Variants in ADAMTS3 observed in about 807,000 individuals in gnomAD.
ADAMTS3 encodes ADAM metallopeptidase with thrombospondin type 1 motif 3.
A neutral mutation model predicts 129.0 loss-of-function variants in ADAMTS3; 73 were observed. The observed-to-expected ratio is 0.57, with a 90% CI of 0.47 to 0.69. The LOEUF is 0.69. ADAMTS3 is among the 30% of genes least tolerant of loss of function. The pLI is 0.00. For missense variants in ADAMTS3, 1,457 were observed against 1,514.5 expected (o/e 0.96, Z 0.63); for synonymous variants, 477 against 510.8 (o/e 0.93, Z 0.89).
chr4:72,549,991 A>AG (rs1721580701), intron 2 of ADAMTS3, among the ~76,000 whole-genome samples: 1 of 24,284 alleles, frequency 4.1e-5, no homozygotes, highest in African/African-American at 1.2e-4. Context: ...AAGAAGAAGA[A>AG]GAGGAAGAGG....
intron 19 of ADAMTS3, among the ~76,000 whole-genome samples, 189 bp from the exon 20 acceptor site, chr4:72,291,251 T>G (rs16847801): frequency 0.6 from 90,719 of 151,976 alleles, 30,611 homozygotes; most frequent in Non-Finnish European, 0.77. Flanking sequence ...GCTGAAACTT[T>G]TATTTTATTA....
intron 21 of ADAMTS3, among the ~76,000 whole-genome samples, chr4:72,284,056 G>A (rs1168565425): frequency 2.0e-5 from 3 of 152,040 alleles, no homozygotes; most frequent in Admixed American, 2.0e-4. Flanking sequence ...ATGCAAAGGG[G>A]CATCTGTATT....
chr4:72,319,005 G>T (rs1719479812), intron 9 of ADAMTS3, among the ~76,000 whole-genome samples: 1 of 152,140 alleles, frequency 6.6e-6, no homozygotes, highest in South Asian at 2.1e-4. Context: ...CACCTATACT[G>T]TAGAGCACAG....
intron 3 of ADAMTS3, among the ~76,000 whole-genome samples, chr4:72,477,103 T>G (rs1719257233): frequency 6.6e-6 from 1 of 152,092 alleles, no homozygotes; most frequent in Non-Finnish European, 1.5e-5. Context: ...CTCAAGACTT[T>G]CACCCTGAAA....
chr4:72,520,974 G>A (rs1051550727), intron 3 of ADAMTS3, among the ~76,000 whole-genome samples: 21 of 151,676 alleles, frequency 1.4e-4, no homozygotes, highest in Non-Finnish European at 2.8e-4. Flanking sequence ...GTTCCTATTC[G>A]GCCATCTGGG....
intron 3 of ADAMTS3, among the ~76,000 whole-genome samples, chr4:72,520,741 T>C (rs947237262): frequency 6.6e-6 from 1 of 152,156 alleles, no homozygotes; most frequent in Non-Finnish European, 1.5e-5. Flanking sequence ...AGGTGCTATC[T>C]GTCACCCCTT....
At chr4:72,456,257 A>G (rs1354059609) in intron 3 of ADAMTS3, among the ~76,000 whole-genome samples, 4 of 143,350 alleles carry the variant, frequency 2.8e-5, no homozygotes, top group African/African-American at 8.0e-5. Context: ...TATAGTATAT[A>G]TACTGTATAT....
Position 72,567,397 on chromosome 4 carries a change from C to A in ADAMTS3, c.74G>T (p.Gly25Val), listed in dbSNP as rs143125991. 4.9e-5 allele frequency: 78 copies of A among 1,579,762 alleles called. No homozygotes were observed. In the African/African-American group the frequency reaches 7.9e-4, roughly 16 times the overall value. The change falls in exon 2 of 22, where the codon GGT becomes GTT. Residue 25 changes from glycine (G) to valine (V), a missense_variant. By Grantham distance (109) the Gly-to-Val change is moderately radical. Transcript: ENST00000286657. ...EVRTSADGQAGNEEMVQIDLP... is the reference protein window; with the variant it reads ...EVRTSADGQAVNEEMVQIDLP... ...ACCTATTTGCACCATTTCTTCATTACCAGCCTGGAAAGGAGGGGGAAAGCA... is the reference window on the plus strand; with the variant it reads ...ACCTATTTGCACCATTTCTTCATTAACAGCCTGGAAAGGAGGGGGAAAGCA...
At chr4:72,481,946 A>G (rs551328385) in intron 3 of ADAMTS3, among the ~76,000 whole-genome samples, 1 of 152,278 alleles carries the variant, frequency 6.6e-6, no homozygotes, top group African/African-American at 2.4e-5. Context: ...CCAAATTAAA[A>G]GAACAGTGAG....
chr4:72,386,111 T>A (rs554810477), intron 4 of ADAMTS3, among the ~76,000 whole-genome samples: 5 of 152,238 alleles, frequency 3.3e-5, no homozygotes, highest in African/African-American at 9.6e-5. Context: ...CCAATAAGTT[T>A]TCATACTGAA....
chr4:72,504,003 T>C (rs190743275), intron 3 of ADAMTS3, among the ~76,000 whole-genome samples: 1 of 152,318 alleles, frequency 6.6e-6, no homozygotes, highest in Admixed American at 6.5e-5. Context: ...ATGTGTGAGA[T>C]AGGTCTCTTG....
chr4:72,322,665 T>G (rs1373377333), intron 6 of ADAMTS3, among the ~76,000 whole-genome samples: 3 of 152,170 alleles, frequency 2.0e-5, no homozygotes, highest in Non-Finnish European at 4.4e-5. Flanking sequence ...TCCCTTCTAA[T>G]GAATAAATGA....
intron 2 of ADAMTS3, among the ~76,000 whole-genome samples, chr4:72,566,023 G>C (rs189137906): frequency 1.5e-3 from 221 of 151,846 alleles, no homozygotes; most frequent in African/African-American, 5.0e-3. Context: ...CCCTACTTAA[G>C]AGTTGGTTAA....
intron 16 of ADAMTS3, 32 bp from the exon 17 acceptor site, chr4:72,304,112 A>G (rs1392095514): frequency 6.3e-7 from 1 of 1,597,770 alleles, no homozygotes; most frequent in African/African-American, 1.3e-5. Flanking sequence ...ACCAGCATAC[A>G]TTTTATTTTA....
At chr4:72,399,213 T>C (rs886838886) in intron 4 of ADAMTS3, among the ~76,000 whole-genome samples, 7 of 152,144 alleles carry the variant, frequency 4.6e-5, no homozygotes, top group African/African-American at 1.7e-4. Context: ...GAGGATTGCT[T>C]GAGACCGGGA....
rs570332333 is a variant in ADAMTS3, at chr4:72,531,682, G to T, written c.504+16796C>A. ...TGTGGCACAGTTCTACCCAGTTCAT[G>T]GAGGCAAAATGGCTTTAGAAACTCA... On this transcript the variant is annotated intron_variant, in intron 3 of 21. Coordinates refer to ENST00000286657, the MANE Select transcript of ADAMTS3 (RefSeq NM_014243.3). Among the ~76,000 whole-genome samples, 7 of 152,280 alleles carry T rather than the reference G, an allele frequency of 4.6e-5. No homozygotes were observed. The South Asian group carries it at 1.0e-3, about 23-fold the overall frequency.
chr4:72,548,178 G>A (rs1280090901), intron 3 of ADAMTS3, among the ~76,000 whole-genome samples: 1 of 151,506 alleles, frequency 6.6e-6, no homozygotes, highest in African/African-American at 2.4e-5. Context: ...AACAAAATAA[G>A]GAAATAAAAT....
At chr4:72,504,605 T>C (rs925734209) in intron 3 of ADAMTS3, among the ~76,000 whole-genome samples, 2 of 152,166 alleles carry the variant, frequency 1.3e-5, no homozygotes, top group African/African-American at 4.8e-5. Context: ...TACTTGGATA[T>C]CTACCTCTCT....
rs945709141 is a variant in ADAMTS3 at position 72,282,133 on chromosome 4, C to T, written c.*1003G>A. 6.6e-6 allele frequency: 1 copy of T among 152,104 alleles called. No homozygotes were observed. Among genetic ancestry groups the T allele is most frequent in the Non-Finnish European group, 1.5e-5 (1 of 68,012 alleles). 9.4% of individuals were successfully genotyped at this position (152,104 alleles called of 1,614,324 possible). ...GCTACCAACATACAAATAAGTTATC[C>T]CAAAACTTTTTCCTTTGCGATTATT... On this transcript the variant is annotated 3_prime_UTR_variant, in exon 22 of 22. Coordinates refer to ENST00000286657, the MANE Select transcript of ADAMTS3 (RefSeq NM_014243.3).
Sources: gnomAD v4.1 joint callset for allele counts (sites outside exome capture counted in the v4.1 genomes callset) on GRCh38, gnomAD v4.1.1 for gene constraint, MANE v1.5 for transcripts, NCBI Gene and HGNC (gene_info 2026-07-23, HGNC 2026-07-21) for gene names.